The following INSYN2B variants were observed in gnomAD, a reference collection of about 807,000 sequenced individuals.
INSYN2B encodes the protein protein INSYN2B.
INSYN2B carries 16 observed loss-of-function variants against 41.2 expected under a neutral mutation model. That is an observed-to-expected ratio of 0.39 (90% CI 0.26 to 0.59). INSYN2B has a LOEUF of 0.59. Ranked by LOEUF, INSYN2B falls within the 20% of genes least tolerant of loss-of-function variation. INSYN2B has a pLI of 0.57. For synonymous variants in INSYN2B, 245 were observed against 244.4 expected, an observed-to-expected ratio of 1.00 and a Z score of -0.02; for missense variants, 608 against 646.4, an observed-to-expected ratio of 0.94 and a Z score of 0.64.
chr5:169,904,307 CCCTT>C (rs112660260), intron 1 of INSYN2B, among the ~76,000 whole-genome samples: 7,590 of 152,194 alleles, frequency 0.05, 282 homozygotes, highest in African/African-American at 0.1. Context: ...TGCTAGTTGT[CCCTT>C]CCTTTTTCTT....
intron 1 of INSYN2B, among the ~76,000 whole-genome samples, chr5:169,892,888 A>T (rs1290180889): frequency 1.3e-5 from 2 of 148,788 alleles, no homozygotes; most frequent in Non-Finnish European, 3.0e-5. Flanking sequence ...CTCTGTCTTC[A>T]CTCCTTCTTT....
chr5:169,902,479 G>A (rs1773983042), intron 1 of INSYN2B, among the ~76,000 whole-genome samples: 1 of 152,238 alleles, frequency 6.6e-6, no homozygotes, highest in Admixed American at 6.5e-5. Context: ...ACGTGATTCT[G>A]TAGCAAGAGG....
At chr5:169,953,613 A>G (rs1776753968) in intron 1 of INSYN2B, among the ~76,000 whole-genome samples, 1 of 152,164 alleles carries the variant, frequency 6.6e-6, no homozygotes, top group Non-Finnish European at 1.5e-5. Flanking sequence ...TCAGCTACAG[A>G]GGAGACCTCT....
At chr5:169,929,689 C>G (rs902048600) in intron 1 of INSYN2B, among the ~76,000 whole-genome samples, 9 of 148,914 alleles carry the variant, frequency 6.0e-5, no homozygotes, top group Non-Finnish European at 1.3e-4. Context: ...TCACAGTGAG[C>G]CAAGAGGGGA....
At chr5:169,940,160 G>A (rs988490648) in intron 1 of INSYN2B, among the ~76,000 whole-genome samples, 7 of 152,166 alleles carry the variant, frequency 4.6e-5, no homozygotes, top group Non-Finnish European at 1.0e-4. Context: ...TTCTGTGTGT[G>A]TATTCTACAG....
intron 3 of INSYN2B, among the ~76,000 whole-genome samples, chr5:169,877,537 A>G (rs915116487): frequency 2.6e-5 from 4 of 152,200 alleles, no homozygotes; most frequent in African/African-American, 9.7e-5. Context: ...GTGTTGAACA[A>G]AGTAAATATG....
At chr5:169,877,417 T>C (rs535772206) in intron 3 of INSYN2B, among the ~76,000 whole-genome samples, 1 of 152,216 alleles carries the variant, frequency 6.6e-6, no homozygotes, top group Middle Eastern at 3.4e-3. Flanking sequence ...GGCAGAGGAA[T>C]TGGAGTGAAG....
chr5:169,931,605 C>T (rs1775757776), intron 1 of INSYN2B, among the ~76,000 whole-genome samples: 1 of 152,208 alleles, frequency 6.6e-6, no homozygotes, highest in South Asian at 2.1e-4. Context: ...TTGACTTTGG[C>T]AAACTGACAC....
At chr5:169,903,056 C>T (rs1445275245) in intron 1 of INSYN2B, among the ~76,000 whole-genome samples, 1 of 151,672 alleles carries the variant, frequency 6.6e-6, no homozygotes, top group African/African-American at 2.4e-5. Context: ...TGAGATCACG[C>T]CACTGTACTC....
At chr5:169,872,321 C>T (rs1200686514) in intron 3 of INSYN2B, among the ~76,000 whole-genome samples, 2 of 152,194 alleles carry the variant, frequency 1.3e-5, no homozygotes, top group Non-Finnish European at 2.9e-5. Flanking sequence ...CTTTGGAAGG[C>T]ATCTCTGGGG....
At chr5:169,930,017 A>G (rs530318226) in intron 1 of INSYN2B, among the ~76,000 whole-genome samples, 22 of 152,266 alleles carry the variant, frequency 1.4e-4, no homozygotes, top group African/African-American at 5.3e-4. Context: ...TTTGAGACAG[A>G]ATCTTGCTCT....
At chr5:169,923,493 A>G (rs1694629410) in intron 1 of INSYN2B, among the ~76,000 whole-genome samples, 1 of 152,192 alleles carries the variant, frequency 6.6e-6, no homozygotes, top group Non-Finnish European at 1.5e-5. Flanking sequence ...GCACACACAC[A>G]CACACACACA....
In INSYN2B at chr5:169,864,319, C is replaced by CT; in HGVS notation, c.1561dup (p.Arg521LysfsTer40). On this transcript the variant is annotated frameshift_variant, in exon 4 of 4. Transcript: ENST00000377365. LOFTEE classifies it high-confidence loss of function. ...CTTTTTCACCTTCTTGGTTTTCCGC[C>CT]TTAAGTCCTGCTTTTCCGGGGCTGG... 6.4e-7 allele frequency: 1 copy of CT among 1,551,632 alleles called. No individual in the cohort carries two copies. Among genetic ancestry groups the CT allele is most frequent in the Non-Finnish European group, 8.7e-7 (1 of 1,146,954 alleles).
chr5:169,881,281 CT>C, intron 3 of INSYN2B, 86 bp downstream of exon 3: 1 of 1,139,914 alleles, frequency 8.8e-7, no homozygotes. Context: ...CCTCTCTTGA[CT>C]TTTTGCATTT....
chr5:169,935,229 A>C (rs906510145), intron 1 of INSYN2B, among the ~76,000 whole-genome samples: 4 of 152,114 alleles, frequency 2.6e-5, no homozygotes, highest in Non-Finnish European at 5.9e-5. Flanking sequence ...AAATTTGTAC[A>C]CTGTTTGCTG....
chr5:169,907,813 G>A (rs991364387), intron 1 of INSYN2B, among the ~76,000 whole-genome samples: 13 of 152,100 alleles, frequency 8.5e-5, no homozygotes, highest in African/African-American at 2.2e-4. Context: ...AGACATTTTT[G>A]TTTGCCACAA....
At chr5:169,899,563 TG>T (rs1267692163) in intron 1 of INSYN2B, among the ~76,000 whole-genome samples, 1 of 152,198 alleles carries the variant, frequency 6.6e-6, no homozygotes, top group Non-Finnish European at 1.5e-5. Context: ...TATAAATGTT[TG>T]TGCAGAGCTG....
intron 1 of INSYN2B, among the ~76,000 whole-genome samples, chr5:169,898,259 C>G (rs1173094293): frequency 1.3e-5 from 2 of 152,168 alleles, no homozygotes; most frequent in Non-Finnish European, 2.9e-5. Flanking sequence ...CCATGGTCTC[C>G]TTTCTCATGG....
rs76537990 is a variant in INSYN2B at position 169,922,698 on chromosome 5, A to G, written c.-918-37882T>C. Among the ~76,000 whole-genome samples, 848 of 152,332 alleles carry G rather than the reference A, an allele frequency of 5.6e-3. 9 individuals carry two copies. Among genetic ancestry groups the G allele is most frequent in the African/African-American group, 0.02 (826 of 41,580 alleles). ...TATATGGTCACACAGCTTAATGTAT[A>G]CTTGAGCTGGAGCCAGATCCTAACC... On this transcript the variant is annotated intron_variant, in intron 1 of 3. Transcript: ENST00000377365.
Sources: gnomAD v4.1 joint callset for allele counts (sites outside exome capture counted in the v4.1 genomes callset) on GRCh38, gnomAD v4.1.1 for gene constraint, MANE v1.5 for transcripts, NCBI Gene and HGNC (gene_info 2026-07-23, HGNC 2026-07-21) for gene names.